RXRG: variants seen among roughly 807,000 people sequenced by gnomAD.
RXRG encodes the protein retinoic acid receptor RXR-gamma.
RXRG carries 19 observed loss-of-function variants against 49.2 expected under a neutral mutation model. The observed-to-expected ratio is 0.39, with a 90% CI of 0.27 to 0.57. RXRG has a LOEUF of 0.57. Among genes scored for constraint, RXRG ranks in the 20% least tolerant of loss-of-function variants. RXRG has a pLI of 0.64. For synonymous variants in RXRG, 224 were observed against 216.6 expected, an observed-to-expected ratio of 1.03 and a Z score of -0.30; for missense variants, 452 against 592.5, an observed-to-expected ratio of 0.76 and a Z score of 2.46.
chr1:165,442,218 C>A (rs574615108), intron 1 of RXRG, among the ~76,000 whole-genome samples: 2 of 152,316 alleles, frequency 1.3e-5, no homozygotes, highest in Admixed American at 6.5e-5. Context: ...TCCCCTGTGC[C>A]TGCTTGTGAG....
At chr1:165,412,895 G>C (rs953952108) in intron 4 of RXRG, among the ~76,000 whole-genome samples, 1 of 152,026 alleles carries the variant, frequency 6.6e-6, no homozygotes, top group African/African-American at 2.4e-5. Flanking sequence ...AATGCTTCTT[G>C]TATTAATTTT....
At chr1:165,421,010 C>A (rs1024782744) in intron 2 of RXRG, among the ~76,000 whole-genome samples, 4 of 152,148 alleles carry the variant, frequency 2.6e-5, no homozygotes, top group African/African-American at 9.7e-5. Context: ...ATTGCCTAAC[C>A]AAAGGGACAA....
chr1:165,415,725 G>A (rs1174170450), intron 4 of RXRG, among the ~76,000 whole-genome samples: 1 of 152,194 alleles, frequency 6.6e-6, no homozygotes, highest in East Asian at 1.9e-4. Context: ...GGGGAAGACT[G>A]TGTGAGGAAC....
intron 3 of RXRG, 96 bp downstream of exon 3, chr1:165,419,774 G>T: frequency 1.8e-6 from 2 of 1,129,126 alleles, no homozygotes; most frequent in Non-Finnish European, 2.4e-6. Context: ...ATCCTAAAGG[G>T]CCATTTTCCT....
intron 9 of RXRG, among the ~76,000 whole-genome samples, chr1:165,406,582 C>T (rs1314529927): frequency 2.0e-5 from 3 of 152,194 alleles, no homozygotes; most frequent in Non-Finnish European, 4.4e-5. Flanking sequence ...AAGATGTGTA[C>T]TATGTGTCGG....
chr1:165,434,720 C>T (rs913711954), intron 1 of RXRG, among the ~76,000 whole-genome samples: 3 of 152,220 alleles, frequency 2.0e-5, no homozygotes, highest in Non-Finnish European at 4.4e-5. Context: ...GGAACTGTCA[C>T]ACACCAAAGC....
intron 9 of RXRG, among the ~76,000 whole-genome samples, chr1:165,405,189 T>A (rs1657706518): frequency 6.6e-6 from 1 of 152,208 alleles, no homozygotes; most frequent in Non-Finnish European, 1.5e-5. Flanking sequence ...GAAAATGATA[T>A]GTACGACTCT....
At chr1:165,403,860 A>G (rs1041018320) in intron 9 of RXRG, among the ~76,000 whole-genome samples, 1 of 152,238 alleles carries the variant, frequency 6.6e-6, no homozygotes, top group African/African-American at 2.4e-5. Context: ...AGGAACTGAG[A>G]TCAAGGCTAA....
At chr1:165,421,906 C>T (rs1207367932) in intron 2 of RXRG, among the ~76,000 whole-genome samples, 2 of 152,152 alleles carry the variant, frequency 1.3e-5, no homozygotes, top group Non-Finnish European at 2.9e-5. Context: ...CATAGCGTGA[C>T]TTCTAGGCAA....
At chr1:165,424,992 C>G in intron 2 of RXRG, 1 of 984,202 alleles carries the variant, frequency 1.0e-6, no homozygotes, top group Non-Finnish European at 1.2e-6. Flanking sequence ...GCTGAGCTTC[C>G]CCAGCACTTG....
chr1:165,408,084 G>T, intron 8 of RXRG, 143 bp downstream of exon 8: 1 of 682,414 alleles, frequency 1.5e-6, no homozygotes. Flanking sequence ...AATGGCTCTA[G>T]CTGACACTGT....
chr1:165,429,089 C>T (rs1266069692), intron 1 of RXRG, 123 bp from the exon 2 acceptor site: 2 of 1,046,076 alleles, frequency 1.9e-6, no homozygotes, highest in Non-Finnish European at 2.7e-6. Flanking sequence ...CACCTACACA[C>T]CTGTAAGCCC....
chr1:165,408,200 C>A, intron 8 of RXRG, 27 bp downstream of exon 8: 1 of 1,561,120 alleles, frequency 6.4e-7, no homozygotes, highest in Middle Eastern at 1.7e-4. Flanking sequence ...TGAACACACA[C>A]ATCCCCTGGG....
chr1:165,433,420 T>TC (rs1440667759), intron 1 of RXRG, among the ~76,000 whole-genome samples: 2 of 152,170 alleles, frequency 1.3e-5, no homozygotes, highest in Non-Finnish European at 2.9e-5. Context: ...CTCCCTGCCT[T>TC]CCCCTGTGCC....
chr1:165,414,982 A>C (rs1385299195), intron 4 of RXRG, among the ~76,000 whole-genome samples: 2 of 152,240 alleles, frequency 1.3e-5, no homozygotes, highest in African/African-American at 4.8e-5. Flanking sequence ...GTGATAAAGC[A>C]GTGGGGGAAA....
chr1:165,426,510 G>T (rs1658491959), intron 2 of RXRG, among the ~76,000 whole-genome samples: 1 of 152,122 alleles, frequency 6.6e-6, no homozygotes, highest in Admixed American at 6.5e-5. Context: ...ATACATTTTT[G>T]AAGTCCTTAC....
intron 1 of RXRG, among the ~76,000 whole-genome samples, chr1:165,439,769 T>TTAAAATGTAAA (rs1461086084): frequency 6.6e-6 from 1 of 152,234 alleles, no homozygotes; most frequent in Non-Finnish European, 1.5e-5. Flanking sequence ...TCTACATCGG[T>TTAAAATGTAAA]TAAAATGTAA....
intron 2 of RXRG, among the ~76,000 whole-genome samples, chr1:165,428,398 G>T (rs913313371): frequency 8.5e-5 from 13 of 152,236 alleles, no homozygotes; most frequent in East Asian, 1.9e-4. Flanking sequence ...AAATGCTCAT[G>T]ATTGAATTGA....
chr1:165,425,911 G>A (rs1368003976), intron 2 of RXRG, among the ~76,000 whole-genome samples: 1 of 152,242 alleles, frequency 6.6e-6, no homozygotes, highest in East Asian at 1.9e-4. Context: ...CTGCCAACAG[G>A]AAGATCTTGG....
Sources: allele counts gnomAD v4.1 joint callset (sites outside exome capture counted in the v4.1 genomes callset), GRCh38; gene constraint gnomAD v4.1.1; transcripts MANE v1.5; gene names NCBI Gene and HGNC (gene_info 2026-07-23, HGNC 2026-07-21).